Variants in GRIK2 observed in about 807,000 individuals in gnomAD.
The protein encoded by GRIK2 is glutamate receptor ionotropic, kainate 2.
A neutral mutation model predicts 100.3 loss-of-function variants in GRIK2; 32 were observed. The observed-to-expected ratio is 0.32, with a 90% CI of 0.24 to 0.43. The LOEUF is 0.43. GRIK2 is among the 20% of genes least tolerant of loss of function. GRIK2 has a pLI of 1.00. For missense variants in GRIK2, 843 were observed against 1,114.9 expected (o/e 0.76, Z 3.47); for synonymous variants, 417 against 389.4 (o/e 1.07, Z -0.83).
Position 101,399,392 on chromosome 6 carries a change from G to T in GRIK2, c.115G>T (p.Gly39Cys). 1 of 1,419,546 alleles carries T rather than the reference G, an allele frequency of 7.0e-7. No individual in the cohort carries two copies. The highest frequency in any genetic ancestry group is 1.0e-6 in the Non-Finnish European group (1 of 1,002,584). 87.9% of individuals were successfully genotyped at this position (1,419,546 alleles called of 1,614,324 possible). A position where few individuals can be genotyped will look rare whatever the true frequency, so the allele number is the denominator to read the frequency against. Residue 39 changes from glycine to cysteine, a missense_variant and splice_region_variant, in exon 2 of 17, where the codon GGT becomes TGT. Physicochemically the swap from Gly to Cys is radical, Grantham distance 159. Around this residue, in one of 3 missense-constraint regions of GRIK2, gnomAD observed 519 missense variants for 643.8 expected, o/e 0.81. Transcript: ENST00000369134. Reference sequence around the variant, plus strand: ...AGGAACCACACATGTATTAAGATTTGGTAAGATTCCCCATCTCTCTTGGTT... The same window carrying T: ...AGGAACCACACATGTATTAAGATTTTGTAAGATTCCCCATCTCTCTTGGTT... ...SQGTTHVLRF[G>C]GIFEYVESGP...
At chr6:101,791,737 G>A (rs1435324543) in intron 7 of GRIK2, among the ~76,000 whole-genome samples, 11 of 152,068 alleles carry the variant, frequency 7.2e-5, no homozygotes, top group South Asian at 2.1e-4. Flanking sequence ...TTGGTGCAGA[G>A]CTGAGTTCAA....
intron 2 of GRIK2, among the ~76,000 whole-genome samples, chr6:101,599,726 T>G (rs1779108865): frequency 1.3e-5 from 2 of 151,676 alleles, no homozygotes; most frequent in African/African-American, 4.8e-5. Flanking sequence ...ATTGTTCATG[T>G]TTTTTTGCAC....
At chr6:101,853,742 A>G (rs1380562843) in intron 10 of GRIK2, among the ~76,000 whole-genome samples, 1 of 152,190 alleles carries the variant, frequency 6.6e-6, no homozygotes, top group Non-Finnish European at 1.5e-5. Context: ...CACACTATGT[A>G]ATATTATTCA....
intron 14 of GRIK2, among the ~76,000 whole-genome samples, chr6:101,972,639 TCAATG>T (rs1316914437): frequency 2.7e-5 from 4 of 150,618 alleles, no homozygotes; most frequent in African/African-American, 9.8e-5. Flanking sequence ...TTTGCCAAGG[TCAATG>T]TCAAGAAGAG....
intron 11 of GRIK2, among the ~76,000 whole-genome samples, chr6:101,884,526 A>G (rs1479555741): frequency 6.6e-6 from 1 of 152,142 alleles, no homozygotes; most frequent in Admixed American, 6.6e-5. Context: ...TCATGAAGAT[A>G]TGCTTTGTTA....
intron 14 of GRIK2, among the ~76,000 whole-genome samples, chr6:102,026,357 T>C (rs1047514453): frequency 6.6e-6 from 1 of 150,766 alleles, no homozygotes; most frequent in Admixed American, 6.7e-5. Context: ...TTTTATTACA[T>C]TAGGTAGGGA....
chr6:101,887,679 G>A (rs1289521738), intron 11 of GRIK2, among the ~76,000 whole-genome samples: 3 of 152,110 alleles, frequency 2.0e-5, no homozygotes, highest in African/African-American at 7.2e-5. Flanking sequence ...AATCCTGGCG[G>A]AAGGAGAGGG....
At chr6:101,472,506 AC>A (rs1562162370) in intron 2 of GRIK2, among the ~76,000 whole-genome samples, 1 of 151,904 alleles carries the variant, frequency 6.6e-6, no homozygotes, top group Non-Finnish European at 1.5e-5. Flanking sequence ...TTACAGAAAT[AC>A]AAATGTACTG....
intron 2 of GRIK2, among the ~76,000 whole-genome samples, chr6:101,533,452 G>A (rs2518260): frequency 0.9 from 136,288 of 151,932 alleles, 61,306 homozygotes; most frequent in African/African-American, 0.95. Flanking sequence ...CTTGTGGGCT[G>A]CAAAAGAGGC....
intron 2 of GRIK2, among the ~76,000 whole-genome samples, chr6:101,556,321 A>ATGTTTTT (rs1776736211): frequency 1.7e-5 from 1 of 59,396 alleles, no homozygotes; most frequent in African/African-American, 5.6e-5. Flanking sequence ...TATATTGGTA[A>ATGTTTTT]TTTTTTTTTT....
intron 2 of GRIK2, among the ~76,000 whole-genome samples, chr6:101,511,876 T>C (rs1774337065): frequency 6.6e-6 from 1 of 152,008 alleles, no homozygotes; most frequent in Non-Finnish European, 1.5e-5. Flanking sequence ...TGAATTTGAA[T>C]TGAGTTTATA....
chr6:101,533,059 C>A (rs1450128845), intron 2 of GRIK2, among the ~76,000 whole-genome samples: 1 of 151,886 alleles, frequency 6.6e-6, no homozygotes, highest in Non-Finnish European at 1.5e-5. Flanking sequence ...TTATCTCCAA[C>A]TTTTCCATGA....
At chr6:102,067,840 T>A (rs982028730) in intron 16 of GRIK2, among the ~76,000 whole-genome samples, 5 of 151,906 alleles carry the variant, frequency 3.3e-5, no homozygotes, top group African/African-American at 1.2e-4. Flanking sequence ...CAGAAATTGT[T>A]TTCCATATTT....
intron 14 of GRIK2, among the ~76,000 whole-genome samples, chr6:102,023,465 A>G (rs1385921327): frequency 6.6e-6 from 1 of 151,444 alleles, no homozygotes; most frequent in Non-Finnish European, 1.5e-5. Flanking sequence ...GGAGAAGAGG[A>G]GAGATTTTGA....
At chr6:101,658,535 G>A (rs1225899109) in intron 4 of GRIK2, among the ~76,000 whole-genome samples, 1 of 152,140 alleles carries the variant, frequency 6.6e-6, no homozygotes, top group African/African-American at 2.4e-5. Context: ...TGTCTTTATA[G>A]TAGAATGATT....
chr6:101,647,832 A>C (rs2128327161), intron 4 of GRIK2, among the ~76,000 whole-genome samples: 1 of 152,210 alleles, frequency 6.6e-6, no homozygotes, highest in South Asian at 2.1e-4. Context: ...CAGTGTAGGA[A>C]GCAGAAGGCA....
At chr6:101,593,064 T>A (rs1778750928) in intron 2 of GRIK2, among the ~76,000 whole-genome samples, 2 of 151,920 alleles carry the variant, frequency 1.3e-5, no homozygotes, top group South Asian at 4.1e-4. Context: ...GCTGAGATAT[T>A]TCCAAATAAG....
At chr6:101,609,251 A>T (rs1779569744) in intron 2 of GRIK2, among the ~76,000 whole-genome samples, 1 of 151,820 alleles carries the variant, frequency 6.6e-6, no homozygotes, top group Non-Finnish European at 1.5e-5. Context: ...TTTTCCCTGG[A>T]CAATTTTCTA....
chr6:101,829,897 A>G (rs561501399), intron 10 of GRIK2, among the ~76,000 whole-genome samples: 15 of 151,996 alleles, frequency 9.9e-5, no homozygotes, highest in Non-Finnish European at 1.8e-4. Flanking sequence ...TACCAATGTC[A>G]TTTTTCATAG....
Sources: gnomAD v4.1 joint callset for allele counts (sites outside exome capture counted in the v4.1 genomes callset) on GRCh38, gnomAD v4.1.1 for gene constraint, gnomAD v4.1.1 regional missense constraint, MANE v1.5 for transcripts, NCBI Gene and HGNC (gene_info 2026-07-23, HGNC 2026-07-21) for gene names.